The following CYP39A1 variants were observed in gnomAD, a reference collection of about 807,000 sequenced individuals.
CYP39A1 encodes the protein cytochrome P450 family 39 subfamily A member 1.
A neutral mutation model predicts 58.1 loss-of-function variants in CYP39A1; 49 were observed. The observed-to-expected ratio is 0.84, with a 90% confidence interval of 0.67 to 1.07. The LOEUF is 1.07. CYP39A1 is among the 50% of genes least tolerant of loss of function. The probability of loss-of-function intolerance (pLI) is 0.00; values close to 1 mark genes in which losing one functional copy is unlikely to be tolerated. For synonymous variants in CYP39A1, 209 were observed against 187.6 expected, an observed-to-expected ratio of 1.11 and a Z score of -0.93; for missense variants, 531 against 539.4, an observed-to-expected ratio of 0.98 and a Z score of 0.16.
intron 7 of CYP39A1, among the ~76,000 whole-genome samples, chr6:46,602,616 C>A (rs962789023): frequency 6.9e-6 from 1 of 145,940 alleles, no homozygotes; most frequent in Non-Finnish European, 1.5e-5. Context: ...AGTTCAAGAC[C>A]AGCCTGACCA....
chr6:46,637,273 G>T (rs1388229240), intron 4 of CYP39A1, among the ~76,000 whole-genome samples: 3 of 152,196 alleles, frequency 2.0e-5, no homozygotes, highest in African/African-American at 7.2e-5. Context: ...AGGGCGATGA[G>T]AAATAAATTT....
chr6:46,561,264 T>A (rs1378660891), intron 10 of CYP39A1, among the ~76,000 whole-genome samples: 1 of 152,142 alleles, frequency 6.6e-6, no homozygotes, highest in African/African-American at 2.4e-5. Flanking sequence ...ATCATTGTTT[T>A]AAGCCCTTCT....
chr6:46,580,177 T>C (rs1451334054), intron 10 of CYP39A1, among the ~76,000 whole-genome samples: 1 of 152,110 alleles, frequency 6.6e-6, no homozygotes, highest in Non-Finnish European at 1.5e-5. Flanking sequence ...TGGAACAAAT[T>C]AGAGAATCCA....
intron 7 of CYP39A1, among the ~76,000 whole-genome samples, chr6:46,608,423 A>G (rs907531392): frequency 2.0e-5 from 3 of 152,154 alleles, no homozygotes; most frequent in Non-Finnish European, 2.9e-5. Flanking sequence ...TCAGTATTCT[A>G]GAGTGGGAAA....
At chr6:46,634,357 T>G (rs1007949595) in intron 5 of CYP39A1, among the ~76,000 whole-genome samples, 2 of 152,146 alleles carry the variant, frequency 1.3e-5, no homozygotes, top group African/African-American at 2.4e-5. Context: ...CTTTTGTAAA[T>G]TGCCCAGTCT....
chr6:46,573,171 G>C (rs806488), intron 10 of CYP39A1, among the ~76,000 whole-genome samples: 1 of 151,810 alleles, frequency 6.6e-6, no homozygotes, highest in Non-Finnish European at 1.5e-5. Flanking sequence ...TTAGGGTTTC[G>C]CATTGGAAAA....
intron 8 of CYP39A1, among the ~76,000 whole-genome samples, chr6:46,590,192 TGAG>T (rs1772747059): frequency 6.6e-6 from 1 of 152,144 alleles, no homozygotes; most frequent in Non-Finnish European, 1.5e-5. Context: ...AGTTGCAGAA[TGAG>T]AACACAGATC....
intron 10 of CYP39A1, among the ~76,000 whole-genome samples, chr6:46,582,586 A>G (rs950833084): frequency 1.3e-5 from 2 of 152,070 alleles, no homozygotes; most frequent in African/African-American, 4.8e-5. Context: ...AATCTAGTCC[A>G]AAAGCCTTTT....
rs66992975 is a variant in CYP39A1, at chr6:46,652,700, G to C, written c.-118C>G. On this transcript the variant is annotated 5_prime_UTR_variant, in exon 1 of 12. Coordinates refer to ENST00000275016, the MANE Select transcript of CYP39A1 (RefSeq NM_016593.5). The stretch of plus-strand genomic sequence containing the variant: ...TCCCAACCTTTCTGCTGCAACTTTT[G>C]CAGCTCTCCTTCGTAACTGTAGCTT... 4.1e-4 allele frequency: 385 copies of C among 933,756 alleles called. No individual in the cohort carries two copies. The African/African-American group carries it at 6.1e-3, about 15-fold the overall frequency. 57.8% of individuals were successfully genotyped at this position (933,756 alleles called of 1,614,324 possible). A position where few individuals can be genotyped will look rare whatever the true frequency, so the allele number is the denominator to read the frequency against.
intron 7 of CYP39A1, among the ~76,000 whole-genome samples, chr6:46,610,846 T>A (rs955844419): frequency 2.6e-5 from 4 of 152,198 alleles, no homozygotes; most frequent in African/African-American, 9.7e-5. Context: ...ATACATATTT[T>A]AAAAATCTTG....
intron 10 of CYP39A1, among the ~76,000 whole-genome samples, chr6:46,583,755 T>G (rs1772293243): frequency 6.6e-6 from 1 of 152,176 alleles, no homozygotes; most frequent in African/African-American, 2.4e-5. Flanking sequence ...ATTCTGATTT[T>G]TGGTTGTTAT....
intron 7 of CYP39A1, among the ~76,000 whole-genome samples, chr6:46,618,204 T>C (rs185967856): frequency 2.0e-5 from 3 of 152,116 alleles, no homozygotes; most frequent in Non-Finnish European, 4.4e-5. Context: ...ATGTGTTATA[T>C]CCTTCTAATA....
intron 7 of CYP39A1, among the ~76,000 whole-genome samples, chr6:46,603,817 C>G (rs748998848): frequency 6.6e-6 from 1 of 152,152 alleles, no homozygotes; most frequent in Non-Finnish European, 1.5e-5. Flanking sequence ...AAAGTTTGCC[C>G]CTGCCTAGGG....
intron 7 of CYP39A1, among the ~76,000 whole-genome samples, chr6:46,601,808 A>C (rs1302036273): frequency 6.6e-6 from 1 of 151,790 alleles, no homozygotes; most frequent in Non-Finnish European, 1.5e-5. Flanking sequence ...GGCGTGAGCC[A>C]CCATGCCCGT....
intron 10 of CYP39A1, among the ~76,000 whole-genome samples, chr6:46,560,335 C>T (rs1156810887): frequency 1.3e-5 from 2 of 152,108 alleles, no homozygotes; most frequent in Non-Finnish European, 2.9e-5. Flanking sequence ...AAAGTGGTGA[C>T]TTAGAACAGG....
intron 1 of CYP39A1, among the ~76,000 whole-genome samples, chr6:46,643,704 T>G (rs1776480479): frequency 6.6e-6 from 1 of 152,248 alleles, no homozygotes; most frequent in African/African-American, 2.4e-5. Flanking sequence ...TGTGAGGCAT[T>G]TAAAGTAACT....
intron 10 of CYP39A1, among the ~76,000 whole-genome samples, chr6:46,573,478 T>C (rs1771696076): frequency 6.6e-6 from 1 of 152,152 alleles, no homozygotes; most frequent in East Asian, 1.9e-4. Flanking sequence ...AGGGCCTTAG[T>C]GTCAAAGATT....
intron 7 of CYP39A1, among the ~76,000 whole-genome samples, chr6:46,600,462 G>T (rs993086401): frequency 6.6e-6 from 1 of 152,002 alleles, no homozygotes; most frequent in African/African-American, 2.4e-5. Context: ...CTAATGAAGT[G>T]ACTCTTGGAA....
chr6:46,575,033 C>T (rs1033877930), intron 10 of CYP39A1, among the ~76,000 whole-genome samples: 8 of 151,966 alleles, frequency 5.3e-5, no homozygotes, highest in Admixed American at 2.6e-4. Context: ...AGGGGGTTGC[C>T]GAGCACCAGG....
Sources: gnomAD v4.1 joint callset for allele counts (sites outside exome capture counted in the v4.1 genomes callset) on GRCh38, gnomAD v4.1.1 for gene constraint, MANE v1.5 for transcripts, NCBI Gene and HGNC (gene_info 2026-07-23, HGNC 2026-07-21) for gene names.